The following TEAD1 variants were observed in gnomAD, a reference collection of about 807,000 sequenced individuals.
The protein encoded by TEAD1 is transcriptional enhancer factor TEF-1.
TEAD1 carries 9 observed loss-of-function variants against 54.9 expected under a neutral mutation model. The observed-to-expected ratio is 0.16, with a 90% confidence interval of 0.10 to 0.29. The LOEUF is 0.29. Ranked by LOEUF, TEAD1 falls within the 10% of genes least tolerant of loss-of-function variation. TEAD1 has a pLI of 1.00. For missense variants in TEAD1, 387 were observed against 535.9 expected, an observed-to-expected ratio of 0.72 and a Z score of 2.74; for synonymous variants, 200 against 187.8, an observed-to-expected ratio of 1.07 and a Z score of -0.53.
At chr11:12,746,903 G>A (rs992240985) in intron 2 of TEAD1, among the ~76,000 whole-genome samples, 4 of 152,240 alleles carry the variant, frequency 2.6e-5, no homozygotes, top group Non-Finnish European at 5.9e-5. Flanking sequence ...AGACCAGGCG[G>A]GCTGGGGGTT....
chr11:12,838,527 TTAA>T (rs1443979880), intron 3 of TEAD1, among the ~76,000 whole-genome samples: 2 of 152,254 alleles, frequency 1.3e-5, no homozygotes, highest in African/African-American at 2.4e-5. Context: ...TTACTAAATG[TTAA>T]TGATGGGATT....
chr11:12,701,815 A>C (rs1943708460), intron 2 of TEAD1, among the ~76,000 whole-genome samples: 1 of 152,162 alleles, frequency 6.6e-6, no homozygotes, highest in African/African-American at 2.4e-5. Context: ...AAAATAAATA[A>C]AAATTATATA....
At chr11:12,820,505 C>T (rs574410695) in intron 3 of TEAD1, among the ~76,000 whole-genome samples, 134 of 152,284 alleles carry the variant, frequency 8.8e-4, no homozygotes, top group African/African-American at 3.1e-3. Context: ...AGACATGTCA[C>T]GGAGCCTGTT....
rs1452693952 is a variant in TEAD1 at position 12,937,831 on chromosome 11, A to G, written c.*609A>G. ...TTTTTGAAACCAAATGTTAAACTAT[A>G]GCCTTAAGAAATGCTTGGTAGAAGT... is the stretch of plus-strand genomic sequence containing the variant. On this transcript the variant is annotated 3_prime_UTR_variant, in exon 13 of 13. Coordinates refer to ENST00000527636, the MANE Select transcript of TEAD1 (RefSeq NM_021961.6). 6.5e-6 allele frequency: 1 copy of G among 152,826 alleles called. No homozygotes were observed. The highest frequency in any genetic ancestry group is 1.5e-5 in the Non-Finnish European group (1 of 68,242). 9.5% of individuals were successfully genotyped at this position (152,826 alleles called of 1,614,324 possible). A position where few individuals can be genotyped will look rare whatever the true frequency, so the allele number is the denominator to read the frequency against.
At chr11:12,756,142 T>A (rs1944979789) in intron 2 of TEAD1, among the ~76,000 whole-genome samples, 1 of 152,136 alleles carries the variant, frequency 6.6e-6, no homozygotes, top group African/African-American at 2.4e-5. Flanking sequence ...CATTGGGGCT[T>A]GGTGAAGAGA....
chr11:12,898,350 T>C (rs1948353740), intron 9 of TEAD1, among the ~76,000 whole-genome samples: 1 of 152,024 alleles, frequency 6.6e-6, no homozygotes, highest in South Asian at 2.1e-4. Context: ...CACATGATAA[T>C]AAACTATAAC....
chr11:12,793,859 C>A (rs548590389), intron 3 of TEAD1, among the ~76,000 whole-genome samples: 14 of 152,154 alleles, frequency 9.2e-5, no homozygotes, highest in Non-Finnish European at 2.1e-4. Flanking sequence ...TGATCTGACT[C>A]CAGTTGTTCA....
At chr11:12,719,954 T>G (rs977652150) in intron 2 of TEAD1, among the ~76,000 whole-genome samples, 15 of 25,242 alleles carry the variant, frequency 5.9e-4, no homozygotes, top group South Asian at 1.3e-3. Flanking sequence ...CTAATGTTTT[T>G]TTTTTTTTTT....
At chr11:12,880,766 C>A (rs12577748) in intron 6 of TEAD1, among the ~76,000 whole-genome samples, 1,862 of 152,330 alleles carry the variant, frequency 0.012, 34 homozygotes, top group African/African-American at 0.042. Context: ...GAGCTGCTGC[C>A]TGCGTCTGCC....
intron 2 of TEAD1, among the ~76,000 whole-genome samples, chr11:12,722,454 C>T (rs1410396220): frequency 6.6e-6 from 1 of 152,198 alleles, no homozygotes; most frequent in East Asian, 1.9e-4. Context: ...CTTTCCTCAT[C>T]AGCCTGCCTT....
intron 2 of TEAD1, among the ~76,000 whole-genome samples, chr11:12,685,578 G>A (rs2133817012): frequency 2.0e-5 from 3 of 152,234 alleles, no homozygotes; most frequent in Middle Eastern, 6.8e-3. Context: ...GTTTCTACCA[G>A]TTGGTTTTAG....
intron 3 of TEAD1, among the ~76,000 whole-genome samples, chr11:12,786,650 T>C (rs1201378229): frequency 6.6e-6 from 1 of 152,128 alleles, no homozygotes; most frequent in Non-Finnish European, 1.5e-5. Context: ...AGTAGATGCT[T>C]ATTGAGTGCC....
chr11:12,694,607 T>A (rs1003432926), intron 2 of TEAD1, among the ~76,000 whole-genome samples: 2 of 152,058 alleles, frequency 1.3e-5, no homozygotes, highest in Non-Finnish European at 2.9e-5. Flanking sequence ...CAGAGCAGAG[T>A]TGGGTTGGTG....
chr11:12,912,066 C>T (rs908398190), intron 10 of TEAD1, among the ~76,000 whole-genome samples: 7 of 152,080 alleles, frequency 4.6e-5, no homozygotes, highest in African/African-American at 1.4e-4. Flanking sequence ...ACATTACCAC[C>T]TGAGAGTTTG....
intron 3 of TEAD1, among the ~76,000 whole-genome samples, chr11:12,815,230 C>G (rs1369500562): frequency 6.6e-6 from 1 of 152,084 alleles, no homozygotes; most frequent in African/African-American, 2.4e-5. Context: ...CCTGCTGGGA[C>G]TCAGAAGCTT....
intron 2 of TEAD1, among the ~76,000 whole-genome samples, chr11:12,730,716 T>TG (rs1274093108): frequency 6.8e-6 from 1 of 147,070 alleles, no homozygotes; most frequent in Non-Finnish European, 1.5e-5. Flanking sequence ...TTTTTTTTTT[T>TG]TGGAGATAGA....
chr11:12,736,660 A>C (rs1944538629), intron 2 of TEAD1, among the ~76,000 whole-genome samples: 1 of 152,186 alleles, frequency 6.6e-6, no homozygotes, highest in Non-Finnish European at 1.5e-5. Context: ...ATGAAACTTA[A>C]TGGCCTTATG....
At chr11:12,764,562 G>T in intron 3 of TEAD1, 128 bp downstream of exon 3, 1 of 1,157,208 alleles carries the variant, frequency 8.6e-7, no homozygotes. Context: ...GAATTTTAGT[G>T]GGTCATCCAA....
chr11:12,702,741 C>T (rs796792158), intron 2 of TEAD1, among the ~76,000 whole-genome samples: 2 of 152,274 alleles, frequency 1.3e-5, no homozygotes, highest in African/African-American at 4.8e-5. Flanking sequence ...ACTCTGGCAG[C>T]CTCTCAGGTA....
Sources: gnomAD v4.1 joint callset for allele counts (sites outside exome capture counted in the v4.1 genomes callset) on GRCh38, gnomAD v4.1.1 for gene constraint, MANE v1.5 for transcripts, NCBI Gene and HGNC (gene_info 2026-07-23, HGNC 2026-07-21) for gene names.